The following UGGT2 variants were observed in gnomAD, a reference collection of about 807,000 sequenced individuals.
UGGT2 encodes the protein UDP-glucose glycoprotein glucosyltransferase 2, also known as UDP-glucose:glycoprotein glucosyltransferase 2.
UGGT2 carries 180 observed loss-of-function variants against 192.1 expected under a neutral mutation model. The observed-to-expected ratio is 0.94, with a 90% CI of 0.83 to 1.06. The LOEUF (loss-of-function observed/expected upper bound fraction) is 1.06, where lower values mean the gene tolerates loss of function less well. UGGT2 is among the 50% of genes least tolerant of loss of function. The pLI is 0.00. For missense variants in UGGT2, 1,849 were observed against 1,795.7 expected, an observed-to-expected ratio of 1.03 and a Z score of -0.54; for synonymous variants, 580 against 591.0, an observed-to-expected ratio of 0.98 and a Z score of 0.27.
chr13:95,930,984 G>T (rs572158568), intron 17 of UGGT2, among the ~76,000 whole-genome samples: 8 of 145,434 alleles, frequency 5.5e-5, no homozygotes, highest in African/African-American at 1.9e-4. Context: ...CCACAGCATG[G>T]AAAGGGACCC....
At chr13:95,972,517 T>C in intron 11 of UGGT2, 63 bp downstream of exon 11, 2 of 1,355,316 alleles carry the variant, frequency 1.5e-6, no homozygotes, top group Non-Finnish European at 2.1e-6. Flanking sequence ...TTACACTAAA[T>C]TCAAGACAAT....
chr13:95,965,454 A>C (rs1262227483), intron 12 of UGGT2, among the ~76,000 whole-genome samples: 1 of 151,922 alleles, frequency 6.6e-6, no homozygotes, highest in Non-Finnish European at 1.5e-5. Context: ...ACATGGATGA[A>C]ATTGGAAATC....
intron 15 of UGGT2, among the ~76,000 whole-genome samples, chr13:95,940,784 G>T (rs1398173894): frequency 6.6e-6 from 1 of 151,962 alleles, no homozygotes; most frequent in African/African-American, 2.4e-5. Flanking sequence ...GTAAAGACAG[G>T]GTCTTGCCAT....
intron 12 of UGGT2, among the ~76,000 whole-genome samples, chr13:95,963,030 C>T (rs2389570): frequency 0.38 from 58,365 of 151,836 alleles, 11,646 homozygotes; most frequent in Middle Eastern, 0.46. Flanking sequence ...CATGGAAAGA[C>T]CTGCCCCCAT....
At chr13:95,953,842 T>C (rs2050137839) in intron 12 of UGGT2, among the ~76,000 whole-genome samples, 3 of 152,110 alleles carry the variant, frequency 2.0e-5, no homozygotes, top group Admixed American at 2.0e-4. Context: ...AGAGGTCAGT[T>C]TGAAGGGAAG....
Position 95,927,099 on chromosome 13 carries a change from G to C in UGGT2, c.2129C>G (p.Thr710Ser). 1 of 1,611,538 alleles carries C rather than the reference G, an allele frequency of 6.2e-7. No individual in the cohort carries two copies. The highest frequency in any genetic ancestry group is 1.3e-5 in the African/African-American group (1 of 74,878). ...SVTADVEDFS[T>S]FFFLDSQDKS... ...ATCTTGTGAATCCAAGAAAAAGAAAGTAGAGAAATCTTCAACATCAGCAGT... is the reference window on the plus strand; with the variant it reads ...ATCTTGTGAATCCAAGAAAAAGAAACTAGAGAAATCTTCAACATCAGCAGT... Residue 710 changes from threonine (T) to serine (S), a missense_variant, in exon 19 of 39, where the codon ACT (threonine) becomes AGT (serine). Transcript: ENST00000376747.
chr13:95,824,241 T>A (rs1022041848), intron 38 of UGGT2, among the ~76,000 whole-genome samples: 1 of 145,650 alleles, frequency 6.9e-6, no homozygotes, highest in Non-Finnish European at 1.5e-5. Context: ...TTCTAGTTGA[T>A]TTTAGATACC....
chr13:95,836,965 A>G, intron 37 of UGGT2, 121 bp downstream of exon 37: 1 of 831,924 alleles, frequency 1.2e-6, no homozygotes, highest in Non-Finnish European at 1.9e-6. Flanking sequence ...TGTGTAATAG[A>G]CTGAACAGCA....
chr13:95,830,804 T>C (rs1370069930), intron 38 of UGGT2, among the ~76,000 whole-genome samples: 1 of 152,234 alleles, frequency 6.6e-6, no homozygotes, highest in Non-Finnish European at 1.5e-5. Context: ...TTATAAATCA[T>C]GCTGCTATAA....
At chr13:95,802,707 C>G (rs1884115683) in intron 38 of UGGT2, among the ~76,000 whole-genome samples, 1 of 152,190 alleles carries the variant, frequency 6.6e-6, no homozygotes, top group South Asian at 2.1e-4. Context: ...GTGAGGCTAT[C>G]AAGTAAAGGG....
intron 13 of UGGT2, 135 bp from the exon 14 acceptor site, chr13:95,948,216 A>AAC (rs1412073497): frequency 2.6e-6 from 1 of 391,842 alleles, no homozygotes; most frequent in African/African-American, 2.9e-5. Flanking sequence ...AATTCTAAGG[A>AAC]ATACACACAC....
chr13:95,968,113 G>T (rs1330212307), intron 12 of UGGT2, among the ~76,000 whole-genome samples: 1 of 151,968 alleles, frequency 6.6e-6, no homozygotes, highest in Admixed American at 6.6e-5. Context: ...TATTGATCAT[G>T]TTGTAATTGT....
chr13:95,972,941 T>G (rs527522749), intron 10 of UGGT2, among the ~76,000 whole-genome samples: 7 of 152,128 alleles, frequency 4.6e-5, no homozygotes, highest in Non-Finnish European at 1.0e-4. Context: ...GAGGCCGAGG[T>G]GGGTGGATCA....
chr13:95,942,225 T>G lies in UGGT2; in HGVS notation c.1678-2134A>C, dbSNP rs879481106. Reference sequence around the variant, plus strand: ...AAGAGCTTCTCTTAGGGTGAGGGTGTGTGTGTGTGTGTGTGTGTGTGTGTG... The same window carrying G: ...AAGAGCTTCTCTTAGGGTGAGGGTGGGTGTGTGTGTGTGTGTGTGTGTGTG... On this transcript the variant is annotated intron_variant, in intron 15 of 38. Transcript: ENST00000376747. Among the ~76,000 whole-genome samples the G allele has an allele frequency of 8.6e-3, 83 of 9,644 alleles. 1 individual carries two copies. The highest frequency in any genetic ancestry group is 0.024 in the Non-Finnish European group (67 of 2,758). 6.3% of individuals were successfully genotyped at this position (9,644 alleles called of 152,430 possible).
chr13:95,957,340 CT>C (rs1043293872), intron 12 of UGGT2, among the ~76,000 whole-genome samples: 34 of 152,294 alleles, frequency 2.2e-4, no homozygotes, highest in African/African-American at 7.9e-4. Context: ...TGAATAAAAA[CT>C]ACTTTGTGAC....
At position 95,909,610 on chromosome 13, in the gene UGGT2, G is replaced by A. The variant is rs544922610; in HGVS notation, c.2296-6550C>T. Among the ~76,000 whole-genome samples the A allele has an allele frequency of 1.7e-4, 18 of 105,960 alleles. No individual in the cohort carries two copies. In the East Asian group the frequency reaches 3.2e-3, roughly 19 times the overall value. The allele number at this position is 105,960 out of a possible 152,430, so 69.5% of individuals were successfully genotyped here. ...CATACTGGGGACTGTTGTGGGGTGG[G>A]GGGAGGGGGGAGGGATAGCATCGGG... is the stretch of plus-strand genomic sequence containing the variant. On this transcript the variant is annotated intron_variant, in intron 20 of 38. Transcript: ENST00000376747.
chr13:96,023,504 G>T, intron 3 of UGGT2, 125 bp downstream of exon 3: 5 of 905,972 alleles, frequency 5.5e-6, no homozygotes, highest in Middle Eastern at 3.0e-4. Flanking sequence ...TATAATCAAT[G>T]ATAGGCTATG....
At chr13:96,016,137 A>G (rs1243856538) in intron 4 of UGGT2, among the ~76,000 whole-genome samples, 1 of 152,240 alleles carries the variant, frequency 6.6e-6, no homozygotes, top group Non-Finnish European at 1.5e-5. Flanking sequence ...ATATGTTCAG[A>G]TGTAGGAGCA....
rs1004310084 is a variant in UGGT2, at chr13:95,915,570, A to C, written c.2295+10110T>G. ...GGACATACTTATTTAGATGCAAAAA[A>C]TACACTTATCCCTGTGGAAGCTTTA... On this transcript the variant is annotated intron_variant, in intron 20 of 38. Transcript: ENST00000376747. Among the ~76,000 whole-genome samples the C allele has an allele frequency of 3.8e-4, 58 of 152,264 alleles. 1 individual carries two copies. Among genetic ancestry groups the C allele is most frequent in the African/African-American group, 1.4e-3 (56 of 41,474 alleles).
Sources: gnomAD v4.1 joint callset for allele counts (sites outside exome capture counted in the v4.1 genomes callset) on GRCh38, gnomAD v4.1.1 for gene constraint, MANE v1.5 for transcripts, NCBI Gene and HGNC (gene_info 2026-07-23, HGNC 2026-07-21) for gene names.